The following BICC1 variants were observed in gnomAD, a reference collection of about 807,000 sequenced individuals.
BICC1 encodes the protein BicC family RNA binding protein 1.
BICC1 carries 43 observed loss-of-function variants against 111.0 expected under a neutral mutation model. The ratio of observed to expected loss-of-function variants is 0.39; its 90% CI spans 0.30 to 0.50. BICC1 has a LOEUF of 0.50. Ranked by LOEUF, BICC1 falls within the 20% of genes least tolerant of loss-of-function variation. The pLI is 0.88. For missense variants in BICC1, 1,091 were observed against 1,203.2 expected (o/e 0.91, Z 1.38); for synonymous variants, 467 against 434.4 (o/e 1.07, Z -0.93).
chr10:58,562,528 C>T (rs1843635287), intron 1 of BICC1, among the ~76,000 whole-genome samples: 1 of 151,906 alleles, frequency 6.6e-6, no homozygotes, highest in African/African-American at 2.4e-5. Flanking sequence ...TTTTTGTTTT[C>T]ATTGAATTCT....
intron 17 of BICC1, among the ~76,000 whole-genome samples, chr10:58,810,257 C>T (rs2132922870): frequency 6.6e-6 from 1 of 152,302 alleles, no homozygotes; most frequent in African/African-American, 2.4e-5. Flanking sequence ...CATGGTTGAA[C>T]TTCTTCCTAT....
Position 58,807,132 on chromosome 10 carries a change from A to G in BICC1, c.2350A>G (p.Lys784Glu). The G allele has an allele frequency of 6.2e-7, 1 of 1,613,750 alleles. No homozygotes were observed. Among genetic ancestry groups the G allele is most frequent in the Non-Finnish European group, 8.5e-7 (1 of 1,179,816 alleles). The part of the protein sequence containing the change: ...ELRRANHVSY[K>E]PTMTTTYEGS... The stretch of plus-strand genomic sequence containing the variant: ...GAGAAGGGCCAATCATGTGTCCTAT[A>G]AGCCCACAATGACAACCACTTATGA... Residue 784 changes from lysine to glutamate, a missense_variant, in exon 17 of 21, where the codon AAG becomes GAG. Lys to Glu is a moderately conservative substitution (Grantham distance 56). Coordinates refer to ENST00000373886, the MANE Select transcript of BICC1 (RefSeq NM_001080512.3).
Position 58,513,046 on chromosome 10 carries a change from C to T in BICC1, c.-98C>T, listed in dbSNP as rs1842136993. ...CGGCTGCAGGGGGACGAGCTAGCGC[C>T]GCGGCGCTGGGAGCCAGTTGAGCCC... is the stretch of plus-strand genomic sequence containing the variant. On this transcript the variant is annotated 5_prime_UTR_variant, in exon 1 of 21. Coordinates refer to ENST00000373886, the MANE Select transcript of BICC1 (RefSeq NM_001080512.3). 3.1e-6 allele frequency: 3 copies of T among 964,814 alleles called. No individual in the cohort carries two copies. The highest frequency in any genetic ancestry group is 4.5e-5 in the South Asian group (1 of 22,058). 59.8% of individuals were successfully genotyped at this position (964,814 alleles called of 1,614,324 possible). A position where few individuals can be genotyped will look rare whatever the true frequency, so the allele number is the denominator to read the frequency against.
intron 3 of BICC1, among the ~76,000 whole-genome samples, chr10:58,772,693 G>A (rs559348470): frequency 3.1e-4 from 47 of 152,266 alleles, no homozygotes; most frequent in African/African-American, 1.0e-3. Flanking sequence ...GTCTTTGGAT[G>A]CAGTTATAGG....
At chr10:58,724,564 A>G (rs892378226) in intron 3 of BICC1, among the ~76,000 whole-genome samples, 1 of 152,176 alleles carries the variant, frequency 6.6e-6, no homozygotes, top group Non-Finnish European at 1.5e-5. Context: ...CCATCCCAGG[A>G]CTATGTACAG....
chr10:58,749,623 G>T (rs1335052467), intron 3 of BICC1, among the ~76,000 whole-genome samples: 1 of 151,982 alleles, frequency 6.6e-6, no homozygotes, highest in African/African-American at 2.4e-5. Context: ...ATTAAAATAG[G>T]TTTAAAAAGT....
At chr10:58,612,146 G>C (rs563016211) in intron 1 of BICC1, among the ~76,000 whole-genome samples, 1 of 152,266 alleles carries the variant, frequency 6.6e-6, no homozygotes, top group African/African-American at 2.4e-5. Context: ...TTCTTCAGTT[G>C]GTTAGAGTAT....
chr10:58,620,756 G>A (rs1361136816), intron 1 of BICC1, 99 bp from the exon 2 acceptor site: 2 of 1,096,926 alleles, frequency 1.8e-6, no homozygotes, highest in Non-Finnish European at 2.7e-6. Flanking sequence ...AGCAAGGCTG[G>A]CATCTTGTTT....
intron 1 of BICC1, among the ~76,000 whole-genome samples, chr10:58,548,668 A>T (rs1459250314): frequency 2.0e-5 from 3 of 152,174 alleles, no homozygotes; most frequent in Non-Finnish European, 4.4e-5. Flanking sequence ...GCAATGATTG[A>T]CCTATTTACT....
chr10:58,750,250 G>C (rs949870048), intron 3 of BICC1, among the ~76,000 whole-genome samples: 11 of 152,066 alleles, frequency 7.2e-5, no homozygotes. Context: ...CTACTGTGTG[G>C]ACCCATGATG....
Position 58,620,922 on chromosome 10 carries a change from G to A in BICC1, c.237+21G>A, listed in dbSNP as rs1189097567. The A allele has an allele frequency of 7.5e-6, 12 of 1,608,624 alleles. No homozygotes were observed. The Admixed American group carries it at 2.0e-4, about 27-fold the overall frequency. On this transcript the variant is annotated intron_variant, in intron 2 of 20. Transcript: ENST00000373886. ...AAAAGGTAAGTTGTCTTTTACTCTT[G>A]TCATGGTGATAAGTAAGAGGAAATA...
chr10:58,796,316 T>G, intron 9 of BICC1, 24 bp from the exon 10 acceptor site: 1 of 1,606,024 alleles, frequency 6.2e-7, no homozygotes, highest in Non-Finnish European at 8.5e-7. Flanking sequence ...GTCACCTTTT[T>G]TCCCCCATTA....
chr10:58,634,445 A>C (rs1440833133), intron 2 of BICC1, among the ~76,000 whole-genome samples: 1 of 152,184 alleles, frequency 6.6e-6, no homozygotes, highest in Non-Finnish European at 1.5e-5. Context: ...AACTTTTAAA[A>C]ATTATTGATG....
intron 3 of BICC1, among the ~76,000 whole-genome samples, chr10:58,751,492 G>A (rs1352279913): frequency 1.3e-5 from 2 of 152,064 alleles, no homozygotes; most frequent in African/African-American, 2.4e-5. Flanking sequence ...CCTGGGATAT[G>A]TTTTGTATTT....
chr10:58,823,755 A>G, intron 20 of BICC1: 1 of 985,320 alleles, frequency 1.0e-6, no homozygotes, highest in Non-Finnish European at 1.2e-6. Context: ...GAGGCCGAAG[A>G]TAGTCCCTAG....
chr10:58,699,796 G>A (rs1034449179), intron 2 of BICC1, among the ~76,000 whole-genome samples: 2 of 151,996 alleles, frequency 1.3e-5, no homozygotes, highest in African/African-American at 4.8e-5. Flanking sequence ...CTGGGCTCAA[G>A]TGGTCCTCCT....
chr10:58,695,073 G>A (rs938435018), intron 2 of BICC1, among the ~76,000 whole-genome samples: 4 of 152,176 alleles, frequency 2.6e-5, no homozygotes, highest in Admixed American at 2.0e-4. Flanking sequence ...ACAAATTATT[G>A]TGAGGAATAA....
intron 20 of BICC1, among the ~76,000 whole-genome samples, chr10:58,825,526 C>T (rs1844369703): frequency 6.6e-6 from 1 of 152,140 alleles, no homozygotes; most frequent in Admixed American, 6.5e-5. Context: ...ATCAAAACCT[C>T]ACAGACCATA....
Position 58,513,176 on chromosome 10 carries a change from G to A in BICC1, c.33G>A (p.Ala11=). Residue 11 remains alanine (A), a synonymous_variant, in exon 1 of 21, where the codon GCG becomes GCA. Coordinates refer to ENST00000373886, the MANE Select transcript of BICC1 (RefSeq NM_001080512.3). Reference sequence around the variant, plus strand: ...CCCAGGGAGAGCCCGGCTACCTGGCGGCGCAGTCGGACCCCGGCTCCAACA... The same window carrying A: ...CCCAGGGAGAGCCCGGCTACCTGGCAGCGCAGTCGGACCCCGGCTCCAACA... MAAQGEPGYL[A]AQSDPGSNSE... The A allele has an allele frequency of 6.4e-7, 1 of 1,573,998 alleles. No individual in the cohort carries two copies. Among genetic ancestry groups the A allele is most frequent in the Non-Finnish European group, 8.6e-7 (1 of 1,162,610 alleles).
Sources: gnomAD v4.1 joint callset for allele counts (sites outside exome capture counted in the v4.1 genomes callset) on GRCh38, gnomAD v4.1.1 for gene constraint, MANE v1.5 for transcripts, NCBI Gene and HGNC (gene_info 2026-07-23, HGNC 2026-07-21) for gene names.